Variants in CNTNAP4 observed in about 807,000 individuals in gnomAD.
The protein encoded by CNTNAP4 is contactin-associated protein-like 4.
In CNTNAP4, 98 loss-of-function variants were observed where a neutral mutation model predicts 148.4. The ratio of observed to expected loss-of-function variants is 0.66; its 90% confidence interval spans 0.56 to 0.78. CNTNAP4 has a LOEUF of 0.78. Among genes scored for constraint, CNTNAP4 ranks in the 30% least tolerant of loss-of-function variants. The probability of loss-of-function intolerance (pLI) is 0.00; values close to 1 mark genes in which losing one functional copy is unlikely to be tolerated. For missense variants in CNTNAP4, 1,935 were observed against 1,565.6 expected, an observed-to-expected ratio of 1.24 and a Z score of -3.98; for synonymous variants, 730 against 565.1, an observed-to-expected ratio of 1.29 and a Z score of -4.14.
chr16:76,483,719 C>T (rs549728185), intron 12 of CNTNAP4, among the ~76,000 whole-genome samples: 3 of 152,094 alleles, frequency 2.0e-5, no homozygotes, highest in Admixed American at 6.5e-5. Flanking sequence ...GACATTTGTT[C>T]ATAGTATGAG....
At chr16:76,344,199 C>T (rs74026721) in intron 2 of CNTNAP4, among the ~76,000 whole-genome samples, 3,247 of 149,748 alleles carry the variant, frequency 0.022, 49 homozygotes, top group South Asian at 0.064. Context: ...TACATACACA[C>T]ATATATATAT....
intron 3 of CNTNAP4, among the ~76,000 whole-genome samples, chr16:76,399,895 C>T (rs529788114): frequency 6.6e-6 from 1 of 152,246 alleles, no homozygotes; most frequent in Admixed American, 6.5e-5. Context: ...TTAATTGCTT[C>T]ATAATATTCC....
chr16:76,303,864 T>C (rs192856172), intron 1 of CNTNAP4, among the ~76,000 whole-genome samples: 193 of 150,302 alleles, frequency 1.3e-3, no homozygotes, highest in Middle Eastern at 0.01. Context: ...TAAAATCCCC[T>C]TTTTTTTTAA....
chr16:76,477,156 A>G (rs1285632566), intron 11 of CNTNAP4, among the ~76,000 whole-genome samples: 1 of 152,174 alleles, frequency 6.6e-6, no homozygotes, highest in Admixed American at 6.6e-5. Context: ...ACATGTGACA[A>G]CATCTTCTAG....
chr16:76,348,617 T>A (rs1165048235), intron 2 of CNTNAP4, among the ~76,000 whole-genome samples: 1 of 152,138 alleles, frequency 6.6e-6, no homozygotes, highest in African/African-American at 2.4e-5. Flanking sequence ...AAAGTCTATT[T>A]GGGCATTGAG....
At chr16:76,504,249 C>G (rs1465708249) in intron 15 of CNTNAP4, among the ~76,000 whole-genome samples, 1 of 151,742 alleles carries the variant, frequency 6.6e-6, no homozygotes, top group Non-Finnish European at 1.5e-5. Flanking sequence ...TTACAATAGA[C>G]AAATACATGA....
chr16:76,558,603 G>C lies in CNTNAP4; in HGVS notation c.3847G>C (p.Asp1283His). The stretch of plus-strand genomic sequence containing the variant: ...TGAGGCAAAAAGGTCAGAGAATGTA[G>C]ACAGTGCTGAGGCTGTTCTGAAAAG... ...RSEAKRSENVDSAEAVLKSEL... is the reference protein window; with the variant it reads ...RSEAKRSENVHSAEAVLKSEL... The change falls in exon 24 of 24, where the codon GAC (aspartate) becomes CAC (histidine). Residue 1283 changes from aspartate (D) to histidine (H), a missense_variant. By Grantham distance (81) the Asp-to-His change is moderately conservative. Coordinates refer to ENST00000611870, the MANE Select transcript of CNTNAP4 (RefSeq NM_033401.5). 1 of 1,613,492 alleles carries C rather than the reference G, an allele frequency of 6.2e-7. No individual in the cohort carries two copies. Among genetic ancestry groups the C allele is most frequent in the Non-Finnish European group, 8.5e-7 (1 of 1,179,554 alleles).
At chr16:76,497,093 GGAA>G (rs1265547500) in intron 14 of CNTNAP4, among the ~76,000 whole-genome samples, 1 of 152,104 alleles carries the variant, frequency 6.6e-6, no homozygotes, top group African/African-American at 2.4e-5. Context: ...CAGATCTTCA[GGAA>G]GAAGTGAAAA....
At chr16:76,421,602 G>C (rs183292681) in intron 3 of CNTNAP4, among the ~76,000 whole-genome samples, 1 of 152,056 alleles carries the variant, frequency 6.6e-6, no homozygotes, top group East Asian at 1.9e-4. Context: ...GGCACATTTA[G>C]TAAAGATTTA....
chr16:76,374,125 C>T (rs2015164903), intron 3 of CNTNAP4, among the ~76,000 whole-genome samples: 1 of 152,066 alleles, frequency 6.6e-6, no homozygotes, highest in African/African-American at 2.4e-5. Context: ...CCTTTTGAAG[C>T]CATGAGCATT....
At chr16:76,455,522 C>T (rs1014578021) in intron 8 of CNTNAP4, among the ~76,000 whole-genome samples, 9 of 152,314 alleles carry the variant, frequency 5.9e-5, no homozygotes, top group Non-Finnish European at 8.8e-5. Context: ...ATATTCCTAA[C>T]TTTCGGGCTG....
chr16:76,521,486 A>G (rs2083451929), intron 16 of CNTNAP4, among the ~76,000 whole-genome samples, 176 bp downstream of exon 16: 1 of 152,208 alleles, frequency 6.6e-6, no homozygotes, highest in African/African-American at 2.4e-5. Context: ...TTTGATACTT[A>G]ACATGTGATA....
At chr16:76,520,455 C>T (rs923150594) in intron 15 of CNTNAP4, among the ~76,000 whole-genome samples, 2 of 152,082 alleles carry the variant, frequency 1.3e-5, no homozygotes, top group African/African-American at 2.4e-5. Flanking sequence ...CATTTTCTGC[C>T]CATTTTGAAC....
At chr16:76,449,317 TA>T in intron 6 of CNTNAP4, among the ~76,000 whole-genome samples, 1 of 152,320 alleles carries the variant, frequency 6.6e-6, no homozygotes, top group East Asian at 1.9e-4. Flanking sequence ...TATAGATTTA[TA>T]AGGAGAATGT....
intron 4 of CNTNAP4, among the ~76,000 whole-genome samples, chr16:76,443,028 C>T (rs2080104299): frequency 6.6e-6 from 1 of 152,024 alleles, no homozygotes; most frequent in African/African-American, 2.4e-5. Context: ...CAACTGTGGT[C>T]AGAGAACTAG....
chr16:76,433,779 T>C (rs981565906), intron 4 of CNTNAP4, among the ~76,000 whole-genome samples: 1 of 152,090 alleles, frequency 6.6e-6, no homozygotes, highest in Non-Finnish European at 1.5e-5. Flanking sequence ...AACTCCCACA[T>C]GCTAACTGCT....
intron 1 of CNTNAP4, among the ~76,000 whole-genome samples, chr16:76,302,515 A>G (rs1490788383): frequency 6.6e-6 from 1 of 151,910 alleles, no homozygotes; most frequent in African/African-American, 2.4e-5. Flanking sequence ...TGTAAGATAA[A>G]TTTCACCCAT....
At chr16:76,302,498 C>T (rs757963085) in intron 1 of CNTNAP4, among the ~76,000 whole-genome samples, 1 of 152,076 alleles carries the variant, frequency 6.6e-6, no homozygotes, top group Non-Finnish European at 1.5e-5. Flanking sequence ...TTTTCTCCCT[C>T]CAGGCCTGTA....
At chr16:76,338,454 C>G (rs1480502260) in intron 2 of CNTNAP4, among the ~76,000 whole-genome samples, 4 of 152,122 alleles carry the variant, frequency 2.6e-5, no homozygotes, top group Admixed American at 2.0e-4. Flanking sequence ...TTGGTTTGCC[C>G]TCATGTCATT....
Sources: gnomAD v4.1 joint callset for allele counts (sites outside exome capture counted in the v4.1 genomes callset) on GRCh38, gnomAD v4.1.1 for gene constraint, MANE v1.5 for transcripts, NCBI Gene and HGNC (gene_info 2026-07-23, HGNC 2026-07-21) for gene names.